The following PCDH11X variants were observed in gnomAD, a reference collection of about 807,000 sequenced individuals.
The protein encoded by PCDH11X is protocadherin 11 X-linked, also known as protocadherin-11 X-linked.
A neutral mutation model predicts 53.3 loss-of-function variants in PCDH11X; 18 were observed. That is an observed-to-expected ratio of 0.34 (90% confidence interval 0.23 to 0.50). PCDH11X has a LOEUF of 0.50. Among genes scored for constraint, PCDH11X ranks in the 20% least tolerant of loss-of-function variants. The pLI is 0.98. For missense variants in PCDH11X, 570 were observed against 1,032.4 expected (o/e 0.55, Z 6.14); for synonymous variants, 279 against 393.3 (o/e 0.71, Z 3.44).
chrX:92,399,054 G>T (rs1342949007), intron 9 of PCDH11X, among the ~76,000 whole-genome samples: 1 of 108,732 alleles, frequency 9.2e-6, no homozygotes, highest in African/African-American at 3.4e-5. Context: ...TTAGCCGGTC[G>T]TGGTGGTGGG....
intron 6 of PCDH11X, chrX:92,113,532 C>T (rs879030004): frequency 2.5e-6 from 3 of 1,200,711 alleles, no homozygotes; most frequent in Non-Finnish European, 3.4e-6. Context: ...TCACGTCTCG[C>T]TCCTTTTGGT....
At chrX:92,042,189 A>G (rs952712479) in intron 6 of PCDH11X, among the ~76,000 whole-genome samples, 1 of 111,204 alleles carries the variant, frequency 9.0e-6, no homozygotes, top group African/African-American at 3.3e-5. Flanking sequence ...AAGAAACACC[A>G]TAAATAGCTT....
intron 6 of PCDH11X, among the ~76,000 whole-genome samples, chrX:91,968,789 A>G (rs1435118487): frequency 9.0e-6 from 1 of 111,642 alleles, no homozygotes; most frequent in Non-Finnish European, 1.9e-5. Flanking sequence ...TGTGATTTAT[A>G]ACACCATATT....
intron 6 of PCDH11X, among the ~76,000 whole-genome samples, chrX:91,962,758 G>A (rs1302678345): frequency 9.0e-6 from 1 of 110,697 alleles, no homozygotes; most frequent in African/African-American, 3.3e-5. Context: ...GGATATCCAG[G>A]CATTTACATA....
chrX:92,491,661 AT>A (rs2073769282), intron 10 of PCDH11X, among the ~76,000 whole-genome samples: 1 of 110,888 alleles, frequency 9.0e-6, no homozygotes, highest in Non-Finnish European at 1.9e-5. Context: ...CATGCTGTAC[AT>A]TATTAGAACT....
chrX:92,309,146 G>A (rs964799648), intron 8 of PCDH11X, among the ~76,000 whole-genome samples: 1 of 111,940 alleles, frequency 8.9e-6, no homozygotes, highest in African/African-American at 3.2e-5. Context: ...GGGTATAAAT[G>A]CTACAGAATT....
intron 6 of PCDH11X, among the ~76,000 whole-genome samples, chrX:92,159,344 A>G (rs992649114): frequency 4.9e-4 from 53 of 108,630 alleles, no homozygotes; most frequent in Non-Finnish European, 8.6e-4. Context: ...ATATAAAAAA[A>G]TATTCTACAT....
intron 5 of PCDH11X, among the ~76,000 whole-genome samples, chrX:91,837,156 A>G (rs1303768396): frequency 9.3e-6 from 1 of 107,929 alleles, no homozygotes; most frequent in Non-Finnish European, 1.9e-5. Context: ...ATAATATGGG[A>G]AAATTTCTCA....
chrX:92,604,976 G>A (rs2556819), intron 10 of PCDH11X, among the ~76,000 whole-genome samples: 9,790 of 78,883 alleles, frequency 0.12, 1,514 homozygotes, highest in African/African-American at 0.33. Flanking sequence ...AGACACTTCA[G>A]TAATAGTTAG....
At chrX:92,538,961 G>A (rs1281471408) in intron 10 of PCDH11X, among the ~76,000 whole-genome samples, 2 of 86,080 alleles carry the variant, frequency 2.3e-5, no homozygotes, top group Non-Finnish European at 4.5e-5. Flanking sequence ...GACAGGTCTC[G>A]TGTTTATGGA....
intron 6 of PCDH11X, among the ~76,000 whole-genome samples, chrX:91,987,205 G>A (rs903962735): frequency 1.4e-4 from 16 of 111,190 alleles, no homozygotes; most frequent in Admixed American, 3.8e-4. Context: ...CTGCCTCAGC[G>A]TCCCAAGCAG....
At chrX:92,103,591 G>A (rs1398909944) in intron 6 of PCDH11X, among the ~76,000 whole-genome samples, 1 of 111,751 alleles carries the variant, frequency 8.9e-6, no homozygotes, top group Non-Finnish European at 1.9e-5. Flanking sequence ...CAGGTGAGTT[G>A]AACAGTCCGA....
At chrX:91,909,502 A>G (rs1447960711) in intron 6 of PCDH11X, among the ~76,000 whole-genome samples, 5 of 109,005 alleles carry the variant, frequency 4.6e-5, no homozygotes, top group African/African-American at 1.7e-4. Context: ...TCTCTTAAAG[A>G]TCTTACAGTG....
chrX:92,540,933 G>C (rs1444431854), intron 10 of PCDH11X, among the ~76,000 whole-genome samples: 1 of 108,393 alleles, frequency 9.2e-6, no homozygotes, highest in African/African-American at 3.4e-5. Flanking sequence ...CATAAGAAAG[G>C]CCTCTTTTTT....
chrX:92,328,658 A>C (rs2069391737), intron 8 of PCDH11X, among the ~76,000 whole-genome samples: 1 of 111,209 alleles, frequency 9.0e-6, no homozygotes, highest in Admixed American at 9.6e-5. Flanking sequence ...ATTAATATTT[A>C]TACTGTATAC....
chrX:92,067,973 T>C (rs764910469), intron 6 of PCDH11X, among the ~76,000 whole-genome samples: 1 of 110,400 alleles, frequency 9.1e-6, no homozygotes, highest in East Asian at 2.9e-4. Flanking sequence ...TAACCACTGA[T>C]GATTCTTTGA....
At chrX:91,911,938 T>C (rs1602480693) in intron 6 of PCDH11X, among the ~76,000 whole-genome samples, 2 of 111,810 alleles carry the variant, frequency 1.8e-5, no homozygotes, top group South Asian at 7.5e-4. Flanking sequence ...TTCCATTTTT[T>C]TGGTATTGTC....
chrX:92,592,100 G>A (rs201415382), intron 10 of PCDH11X, among the ~76,000 whole-genome samples: 1 of 88,407 alleles, frequency 1.1e-5, no homozygotes, highest in African/African-American at 4.2e-5. Context: ...GCTTGAAAAT[G>A]TTCAAGACTC....
intron 9 of PCDH11X, among the ~76,000 whole-genome samples, chrX:92,403,344 T>TG (rs2071434516): frequency 1.1e-5 from 1 of 87,167 alleles, no homozygotes; most frequent in Non-Finnish European, 2.1e-5. Context: ...TTTTTGTTTT[T>TG]TTTTTTTTTT....
Sources: gnomAD v4.1 joint callset for allele counts (sites outside exome capture counted in the v4.1 genomes callset) on GRCh38, gnomAD v4.1.1 for gene constraint, MANE v1.5 for transcripts, NCBI Gene and HGNC (gene_info 2026-07-23, HGNC 2026-07-21) for gene names.